The following CACNA2D1 variants were observed in gnomAD, a reference collection of about 807,000 sequenced individuals.
CACNA2D1 encodes the protein voltage-dependent calcium channel subunit alpha-2/delta-1.
CACNA2D1 carries 53 observed loss-of-function variants against 171.5 expected under a neutral mutation model. That is an observed-to-expected ratio of 0.31 (90% confidence interval 0.25 to 0.39). The LOEUF is 0.39. Ranked by LOEUF, CACNA2D1 falls within the 10% of genes least tolerant of loss-of-function variation. The pLI is 1.00. For missense variants in CACNA2D1, 903 were observed against 1,299.8 expected, an observed-to-expected ratio of 0.69 and a Z score of 4.69; for synonymous variants, 442 against 443.1, an observed-to-expected ratio of 1.00 and a Z score of 0.03.
Position 82,175,245 on chromosome 7 carries a change from A to G in CACNA2D1, c.295-4636T>C, listed in dbSNP as rs74742687. On this transcript the variant is annotated intron_variant, in intron 3 of 38. Transcript: ENST00000356860. ...TCCCATAATGTTGGTACTCTTGTTT[A>G]TATACAAAGATTTGACTTACAGACA... Among the ~76,000 whole-genome samples, 762 of 152,134 alleles carry G rather than the reference A, an allele frequency of 5.0e-3. 14 individuals are homozygous for G. In the East Asian group the frequency reaches 0.064, roughly 13 times the overall value.
At chr7:82,292,243 C>T (rs1292687302) in intron 3 of CACNA2D1, among the ~76,000 whole-genome samples, 1 of 152,142 alleles carries the variant, frequency 6.6e-6, no homozygotes, top group Non-Finnish European at 1.5e-5. Context: ...CAAATATATT[C>T]AGCAATCCAT....
chr7:82,290,236 G>A lies in CACNA2D1; in HGVS notation c.294+44899C>T, dbSNP rs555174480. 2.0e-5 allele frequency among the ~76,000 whole-genome samples: 3 copies of A among 152,238 alleles called. No individual in the cohort carries two copies. The South Asian group carries it at 6.2e-4, about 32-fold the overall frequency. ...AAGGACAGAGGCAAGCATAATACAG[G>A]AAAAATCAAAAGGATGCCTCAAATA... On this transcript the variant is annotated intron_variant, in intron 3 of 38. Coordinates refer to ENST00000356860, the MANE Select transcript of CACNA2D1 (RefSeq NM_000722.4).
intron 6 of CACNA2D1, among the ~76,000 whole-genome samples, chr7:82,105,033 CA>C (rs1033342184): frequency 1.7e-4 from 26 of 151,952 alleles, no homozygotes; most frequent in African/African-American, 6.3e-4. Flanking sequence ...TCTTATTTTT[CA>C]AACAGCTATA....
chr7:82,318,998 G>A (rs1033153526), intron 3 of CACNA2D1, among the ~76,000 whole-genome samples: 1 of 152,170 alleles, frequency 6.6e-6, no homozygotes, highest in Admixed American at 6.6e-5. Context: ...GCAGAGTGAG[G>A]AGATATGCTG....
intron 6 of CACNA2D1, among the ~76,000 whole-genome samples, chr7:82,095,028 T>C (rs779922573): frequency 1.3e-5 from 2 of 152,184 alleles, no homozygotes; most frequent in African/African-American, 2.4e-5. Flanking sequence ...CTTTTATGAC[T>C]GGCTTCCATC....
chr7:82,272,104 A>AT (rs945983013), intron 3 of CACNA2D1, among the ~76,000 whole-genome samples: 1 of 152,138 alleles, frequency 6.6e-6, no homozygotes, highest in Admixed American at 6.5e-5. Flanking sequence ...CTTCTGACAG[A>AT]TTTTTTTCTC....
chr7:82,068,413 C>G (rs371341682), intron 7 of CACNA2D1, among the ~76,000 whole-genome samples: 1 of 152,064 alleles, frequency 6.6e-6, no homozygotes, highest in East Asian at 1.9e-4. Flanking sequence ...AACCTCAGCC[C>G]AGGGGAACTG....
chr7:82,088,094 TTTTG>T (rs541109706), intron 6 of CACNA2D1, among the ~76,000 whole-genome samples: 1 of 152,084 alleles, frequency 6.6e-6, no homozygotes, highest in Non-Finnish European at 1.5e-5. Context: ...TTTTGTTTTG[TTTTG>T]TTTTTTTGTT....
At chr7:82,166,567 C>A (rs1376705658) in intron 4 of CACNA2D1, among the ~76,000 whole-genome samples, 3 of 151,994 alleles carry the variant, frequency 2.0e-5, no homozygotes, top group Non-Finnish European at 2.9e-5. Context: ...ATTTGAAATG[C>A]AATTGGAAAA....
At chr7:82,134,560 A>C in intron 5 of CACNA2D1, among the ~76,000 whole-genome samples, 1 of 152,212 alleles carries the variant, frequency 6.6e-6, no homozygotes, top group East Asian at 1.9e-4. Context: ...TTTAAGTTTT[A>C]AATTTAAATG....
At chr7:82,327,262 T>G (rs1816767890) in intron 3 of CACNA2D1, among the ~76,000 whole-genome samples, 1 of 152,186 alleles carries the variant, frequency 6.6e-6, no homozygotes, top group Non-Finnish European at 1.5e-5. Context: ...AAAACCACAT[T>G]TCTTATCCCC....
At chr7:82,160,169 C>T (rs896062950) in intron 4 of CACNA2D1, among the ~76,000 whole-genome samples, 2 of 151,734 alleles carry the variant, frequency 1.3e-5, no homozygotes, top group African/African-American at 4.8e-5. Flanking sequence ...TGACAAAAGA[C>T]AGTGAAGCAA....
rs576139922 is a variant in CACNA2D1 at position 82,005,506 on chromosome 7, G to GAA, written c.1516-11_1516-10dup. ...TACCCATTGGGGCACAGCTGGAAAA[G>GAA]AAAAAAAAAAAAAAGCTTGGATATG... is the stretch of plus-strand genomic sequence containing the variant. On this transcript the variant is annotated splice_polypyrimidine_tract_variant and intron_variant, in intron 17 of 38. Transcript: ENST00000356860. The GAA allele has an allele frequency of 4.9e-4, 589 of 1,199,630 alleles. No individual in the cohort carries two copies. The highest frequency in any genetic ancestry group is 1.4e-3 in the African/African-American group (70 of 51,568). 74.3% of individuals were successfully genotyped at this position (1,199,630 alleles called of 1,614,324 possible).
intron 1 of CACNA2D1, among the ~76,000 whole-genome samples, chr7:82,394,526 C>A (rs1181647800): frequency 6.6e-6 from 1 of 152,100 alleles, no homozygotes; most frequent in African/African-American, 2.4e-5. Flanking sequence ...AAGAGCAGTA[C>A]AAGTTTGCTT....
intron 6 of CACNA2D1, among the ~76,000 whole-genome samples, chr7:82,111,366 A>ATATATATATTCATATATGTGTATATATG (rs1563064822): frequency 8.3e-6 from 1 of 120,262 alleles, no homozygotes; most frequent in African/African-American, 2.8e-5. Context: ...GTATATATGT[A>ATATATATATTCATATATGTGTATATATG]TATATATATT....
intron 8 of CACNA2D1, among the ~76,000 whole-genome samples, chr7:82,066,061 T>G (rs1807561032): frequency 1.3e-5 from 2 of 152,104 alleles, no homozygotes; most frequent in Admixed American, 1.3e-4. Flanking sequence ...TAGGGGCAGC[T>G]TTTACCTTGG....
At chr7:82,115,745 A>T (rs903867127) in intron 6 of CACNA2D1, among the ~76,000 whole-genome samples, 11 of 132,560 alleles carry the variant, frequency 8.3e-5, no homozygotes, top group African/African-American at 2.7e-4. Flanking sequence ...AAAGTGAATA[A>T]AAAAAAAAAG....
At chr7:82,064,272 A>T in intron 9 of CACNA2D1, 32 bp downstream of exon 9, 1 of 1,413,852 alleles carries the variant, frequency 7.1e-7, no homozygotes, top group Non-Finnish European at 1.0e-6. Context: ...CCATATTCTC[A>T]ATATATAAAT....
intron 5 of CACNA2D1, among the ~76,000 whole-genome samples, chr7:82,132,147 T>C (rs1414731532): frequency 2.0e-5 from 3 of 152,170 alleles, no homozygotes; most frequent in Admixed American, 1.3e-4. Flanking sequence ...TAGGAGATAT[T>C]AGAAAAAACT....
Sources: allele counts gnomAD v4.1 joint callset (sites outside exome capture counted in the v4.1 genomes callset), GRCh38; gene constraint gnomAD v4.1.1; transcripts MANE v1.5; gene names NCBI Gene and HGNC (gene_info 2026-07-23, HGNC 2026-07-21).